ELAVL2: variants seen among roughly 807,000 people sequenced by gnomAD.
ELAVL2 encodes the protein ELAV like RNA binding protein 2.
ELAVL2 carries 4 observed loss-of-function variants against 34.6 expected under a neutral mutation model. That is an observed-to-expected ratio of 0.12 (90% CI 0.06 to 0.26). The LOEUF (loss-of-function observed/expected upper bound fraction) is 0.26, where lower values mean the gene tolerates loss of function less well. ELAVL2 is among the 10% of genes least tolerant of loss of function. The pLI, the probability that ELAVL2 is intolerant of heterozygous loss-of-function variation, is 1.00. For missense variants in ELAVL2, 432 were observed against 442.8 expected (o/e 0.98, Z 0.22); for synonymous variants, 193 against 154.8 (o/e 1.25, Z -1.83).
At chr9:23,800,112 C>A (rs989438193) in intron 1 of ELAVL2, among the ~76,000 whole-genome samples, 1 of 152,144 alleles carries the variant, frequency 6.6e-6, no homozygotes, top group Admixed American at 6.5e-5. Flanking sequence ...TCCAAAGAAT[C>A]CCAATTCAAA....
rs199637833 is a variant in ELAVL2, at chr9:23,699,812, G to GTT, written c.713+1565_713+1566dup. On this transcript the variant is annotated intron_variant, in intron 5 of 6. Transcript: ENST00000397312. ...CCATGGGAAGTCAAAGGTGGCAAAG[G>GTT]TTTTTTTTTTTTTTTTTTTTTTTTT... Among the ~76,000 whole-genome samples the GTT allele has an allele frequency of 4.5e-3, 375 of 82,946 alleles. 33 individuals carry two copies. Among genetic ancestry groups the GTT allele is most frequent in the Middle Eastern group, 0.01 (1 of 96 alleles). The allele number at this position is 82,946 out of a possible 152,430, so 54.4% of individuals were successfully genotyped here.
At chr9:23,710,921 T>A (rs1233964176) in intron 3 of ELAVL2, among the ~76,000 whole-genome samples, 1 of 152,120 alleles carries the variant, frequency 6.6e-6, no homozygotes, top group Non-Finnish European at 1.5e-5. Flanking sequence ...GGGGGATCTC[T>A]AACCACAACT....
In ELAVL2 at chr9:23,825,554, C is replaced by T. The variant is rs570245011; in HGVS notation, c.-16+252G>A. Among the ~76,000 whole-genome samples, 10 of 152,226 alleles carry T rather than the reference C, an allele frequency of 6.6e-5. No homozygotes were observed. The South Asian group carries it at 8.3e-4, about 13-fold the overall frequency. On this transcript the variant is annotated intron_variant, in intron 1 of 6. Coordinates refer to ENST00000397312, the MANE Select transcript of ELAVL2 (RefSeq NM_004432.5). ...CTCCACATCTAACCTCCCATTGTACCCCTACTCCCCCCTGGCCACATTTAC... is the reference window on the plus strand; with the variant it reads ...CTCCACATCTAACCTCCCATTGTACTCCTACTCCCCCCTGGCCACATTTAC...
chr9:23,802,870 A>C (rs2061738465), intron 1 of ELAVL2, among the ~76,000 whole-genome samples: 1 of 152,204 alleles, frequency 6.6e-6, no homozygotes, highest in Admixed American at 6.5e-5. Flanking sequence ...TCACTTTAAA[A>C]ATATTTTTTA....
intron 2 of ELAVL2, among the ~76,000 whole-genome samples, chr9:23,737,581 T>C (rs1342782043): frequency 6.6e-6 from 1 of 152,248 alleles, no homozygotes; most frequent in Non-Finnish European, 1.5e-5. Flanking sequence ...TTCACTAATA[T>C]AATTAAGTCT....
intron 3 of ELAVL2, among the ~76,000 whole-genome samples, chr9:23,728,733 G>A (rs548077279): frequency 6.6e-6 from 1 of 152,020 alleles, no homozygotes; most frequent in South Asian, 2.1e-4. Context: ...CATTGTACAA[G>A]AGCACAAAAT....
the ELAVL2 span, chr9:23,849,510 C>T: frequency 6.6e-6 from 1 of 152,118 alleles, no homozygotes. Flanking sequence ...TTCTTTTCTT[C>T]TTCAGGATTT....
intron 3 of ELAVL2, among the ~76,000 whole-genome samples, chr9:23,713,112 A>G (rs547689471): frequency 6.6e-6 from 1 of 152,318 alleles, no homozygotes; most frequent in South Asian, 2.1e-4. Context: ...CGTTTTTAGT[A>G]AAGTACAACT....
At chr9:23,800,499 C>A (rs2061453078) in intron 1 of ELAVL2, among the ~76,000 whole-genome samples, 1 of 152,240 alleles carries the variant, frequency 6.6e-6, no homozygotes, top group African/African-American at 2.4e-5. Context: ...AGCCTAGCCC[C>A]CTTCCCTCTT....
the ELAVL2 span, among the ~76,000 whole-genome samples, chr9:23,846,672 T>C: frequency 6.6e-6 from 1 of 152,060 alleles, no homozygotes; most frequent in Non-Finnish European, 1.5e-5. Context: ...TTCTCCATAA[T>C]TAATATCCCA....
intron 3 of ELAVL2, among the ~76,000 whole-genome samples, chr9:23,707,626 G>A (rs556602782): frequency 2.6e-5 from 4 of 152,146 alleles, no homozygotes; most frequent in East Asian, 1.9e-4. Context: ...ACAGCTAATC[G>A]GTGTGCCTGG....
intron 3 of ELAVL2, among the ~76,000 whole-genome samples, chr9:23,730,143 G>A (rs2046190934): frequency 6.6e-6 from 1 of 152,080 alleles, no homozygotes; most frequent in South Asian, 2.1e-4. Context: ...GCAGGAGAGG[G>A]CAAATTGATG....
At chr9:23,793,037 C>T (rs2060508310) in intron 1 of ELAVL2, among the ~76,000 whole-genome samples, 1 of 152,118 alleles carries the variant, frequency 6.6e-6, no homozygotes, top group Non-Finnish European at 1.5e-5. Context: ...CAAGGCCTCC[C>T]AAAGTGCTGG....
intron 2 of ELAVL2, among the ~76,000 whole-genome samples, chr9:23,732,427 TAA>T (rs2134611879): frequency 6.6e-6 from 1 of 152,292 alleles, no homozygotes; most frequent in East Asian, 1.9e-4. Context: ...TTTTCCTTTT[TAA>T]AAAAGAGAAA....
chr9:23,705,396 G>A (rs915336601), intron 3 of ELAVL2, among the ~76,000 whole-genome samples: 11 of 152,170 alleles, frequency 7.2e-5, no homozygotes, highest in Admixed American at 4.6e-4. Context: ...ATCAATTTGC[G>A]GAGGTATAGT....
At chr9:23,835,117 A>T in the ELAVL2 span, among the ~76,000 whole-genome samples, 1 of 152,040 alleles carries the variant, frequency 6.6e-6, no homozygotes, top group Non-Finnish European at 1.5e-5. Context: ...GGCATTAATT[A>T]TGGCTATTGT....
intron 3 of ELAVL2, among the ~76,000 whole-genome samples, chr9:23,712,854 A>C (rs1275785106): frequency 6.6e-6 from 1 of 152,242 alleles, no homozygotes; most frequent in Non-Finnish European, 1.5e-5. Flanking sequence ...ATCCTATGAC[A>C]TTGTTAAAGA....
At chr9:23,838,983 T>A in the ELAVL2 span, among the ~76,000 whole-genome samples, 1 of 152,162 alleles carries the variant, frequency 6.6e-6, no homozygotes, top group Admixed American at 6.6e-5. Flanking sequence ...AATGGAAAAC[T>A]GGCTCAATGT....
chr9:23,750,677 A>G (rs1040165820), intron 2 of ELAVL2, among the ~76,000 whole-genome samples: 1 of 152,202 alleles, frequency 6.6e-6, no homozygotes, highest in Non-Finnish European at 1.5e-5. Context: ...GAAGATGTCA[A>G]TTGATTTGAT....
Sources: allele counts gnomAD v4.1 joint callset (sites outside exome capture counted in the v4.1 genomes callset), GRCh38; gene constraint gnomAD v4.1.1; transcripts MANE v1.5; gene names NCBI Gene and HGNC (gene_info 2026-07-23, HGNC 2026-07-21).